Variants in PCDHA2 observed in about 807,000 individuals in gnomAD.
PCDHA2 encodes the protein protocadherin alpha 2.
A neutral mutation model predicts 66.0 loss-of-function variants in PCDHA2; 58 were observed. The ratio of observed to expected loss-of-function variants is 0.88; its 90% CI spans 0.71 to 1.09. The LOEUF is 1.09. Ranked by LOEUF, PCDHA2 falls within the 50% of genes least tolerant of loss-of-function variation. PCDHA2 has a pLI of 0.00. For synonymous variants in PCDHA2, 634 were observed against 554.0 expected (o/e 1.14, Z -2.03); for missense variants, 1,267 against 1,242.3 (o/e 1.02, Z -0.30).
At chr5:140,927,054 C>CT in intron 1 of PCDHA2, 1 of 1,611,076 alleles carries the variant, frequency 6.2e-7, no homozygotes, top group African/African-American at 1.3e-5. Context: ...CCTCGCGGAA[C>CT]TTTCGCTTCC....
intron 1 of PCDHA2, chr5:140,843,835 T>G: frequency 5.5e-6 from 6 of 1,094,648 alleles, no homozygotes; most frequent in Non-Finnish European, 5.3e-6. Context: ...CATTGTTTAG[T>G]TTTTAGAAAC....
At chr5:140,969,522 T>C in intron 1 of PCDHA2, 5 of 1,397,290 alleles carry the variant, frequency 3.6e-6, no homozygotes, top group Non-Finnish European at 4.7e-6. Context: ...AAGAATTGTT[T>C]TATTTTTCAT....
intron 3 of PCDHA2, among the ~76,000 whole-genome samples, chr5:140,985,909 T>C (rs1421545707): frequency 6.6e-6 from 1 of 151,912 alleles, no homozygotes; most frequent in Non-Finnish European, 1.5e-5. Flanking sequence ...CCGTCTAATT[T>C]TTTGTATTTT....
In PCDHA2 at chr5:140,797,366, T is replaced by C. The variant is rs1554120419; in HGVS notation, c.2388+14T>C. ...TACGTAGGAAAGGTGAGTCTTTTAC[T>C]TTTTCTTGCCAATTCTAAAATTGTT... On this transcript the variant is annotated intron_variant, in intron 1 of 3. Coordinates refer to ENST00000526136, the MANE Select transcript of PCDHA2 (RefSeq NM_018905.3). 4 of 1,608,946 alleles carry C rather than the reference T, an allele frequency of 2.5e-6. No individual in the cohort carries two copies. In the East Asian group the frequency reaches 8.9e-5, roughly 36 times the overall value.
chr5:140,944,881 T>C (rs1554216593), intron 1 of PCDHA2, among the ~76,000 whole-genome samples: 1 of 152,180 alleles, frequency 6.6e-6, no homozygotes, highest in Non-Finnish European at 1.5e-5. Flanking sequence ...CCTACTCCAC[T>C]GTACAGTTCC....
At chr5:140,917,776 A>G (rs1222024686) in intron 1 of PCDHA2, among the ~76,000 whole-genome samples, 2 of 152,044 alleles carry the variant, frequency 1.3e-5, no homozygotes, top group Non-Finnish European at 2.9e-5. Flanking sequence ...TATTAGTACC[A>G]TGTTGTTTTG....
intron 1 of PCDHA2, among the ~76,000 whole-genome samples, chr5:140,965,602 A>G (rs1319736678): frequency 6.6e-6 from 1 of 152,126 alleles, no homozygotes; most frequent in African/African-American, 2.4e-5. Context: ...AGACTCTTGA[A>G]GACATTGTCA....
chr5:140,981,981 A>G (rs2096960839), intron 2 of PCDHA2, among the ~76,000 whole-genome samples: 1 of 152,208 alleles, frequency 6.6e-6, no homozygotes, highest in Non-Finnish European at 1.5e-5. Flanking sequence ...GAAAGAGTAA[A>G]ATAGAAAATA....
chr5:140,869,525 T>C, intron 1 of PCDHA2: 2 of 1,614,200 alleles, frequency 1.2e-6, no homozygotes, highest in Admixed American at 1.7e-5. Context: ...CAAAAGCTGC[T>C]GATTGCGGAA....
chr5:140,873,546 A>C (rs2054343070), intron 1 of PCDHA2, among the ~76,000 whole-genome samples: 2 of 151,836 alleles, frequency 1.3e-5, no homozygotes, highest in Admixed American at 1.3e-4. Context: ...TAAAATTATA[A>C]TTTCAATTTA....
chr5:140,876,250 A>C (rs782111802), intron 1 of PCDHA2: 1 of 1,614,046 alleles, frequency 6.2e-7, no homozygotes. Context: ...AAACGACACA[A>C]GAGTGATCCA....
Position 140,978,996 on chromosome 5 carries a change from A to T in PCDHA2, c.2436A>T (p.Ala812=), listed in dbSNP as rs2096831053. The change falls in exon 2 of 4, where the codon GCA becomes GCT. Residue 812 remains alanine, a synonymous_variant. Coordinates refer to ENST00000526136, the MANE Select transcript of PCDHA2 (RefSeq NM_018905.3). ...GGCGTTACTCTGCCTCCCTGAGAGC[A>T]GGCATGCACAGGTATGTATTTCCCT... ...PDWRYSASLR[A]GMHSSVHLEE... 1 of 1,614,186 alleles carries T rather than the reference A, an allele frequency of 6.2e-7. No individual in the cohort carries two copies.
chr5:140,797,083 G>A lies in PCDHA2; in HGVS notation c.2119G>A (p.Val707Ile), dbSNP rs1554120290. The A allele has an allele frequency of 6.2e-7, 1 of 1,613,952 alleles. No homozygotes were observed. The highest frequency in any genetic ancestry group is 2.2e-5 in the East Asian group (1 of 44,866). ...NVYLIIAICA[V>I]SSLLVLTVLL... ...GTACCTGATCATCGCCATCTGCGCG[G>A]TATCCAGCCTGTTGGTGCTCACGGT... The change falls in exon 1 of 4, where the codon GTA (valine) becomes ATA (isoleucine). Residue 707 changes from valine to isoleucine, a missense_variant. Physicochemically the swap from Val to Ile is conservative, Grantham distance 29. Coordinates refer to ENST00000526136, the MANE Select transcript of PCDHA2 (RefSeq NM_018905.3).
chr5:140,938,065 C>A (rs2091903151), intron 1 of PCDHA2, among the ~76,000 whole-genome samples: 1 of 152,094 alleles, frequency 6.6e-6, no homozygotes, highest in Admixed American at 6.5e-5. Context: ...TACTGTCATG[C>A]TATTCCCAAA....
At chr5:140,872,266 T>C (rs1267974541) in intron 1 of PCDHA2, among the ~76,000 whole-genome samples, 2 of 152,208 alleles carry the variant, frequency 1.3e-5, no homozygotes, top group Non-Finnish European at 2.9e-5. Context: ...GTTTTCATAT[T>C]GTTTGAAGAA....
chr5:140,813,608 T>C (rs1316061807), intron 1 of PCDHA2: 2 of 152,208 alleles, frequency 1.3e-5, no homozygotes, highest in African/African-American at 4.8e-5. Context: ...AATGAGTGAA[T>C]GGTGAGTGAA....
At chr5:140,866,798 C>T (rs900250117) in intron 1 of PCDHA2, 1 of 152,110 alleles carries the variant, frequency 6.6e-6, no homozygotes, top group Non-Finnish European at 1.5e-5. Context: ...TAGTAAAAGT[C>T]AGGCACAAAG....
intron 1 of PCDHA2, chr5:140,851,823 G>GT (rs1343370929): frequency 9.3e-6 from 9 of 962,984 alleles, no homozygotes; most frequent in South Asian, 4.8e-5. Context: ...ACAGAAATCT[G>GT]TTTTTTTAAA....
Position 140,938,882 on chromosome 5 carries a change from C to T in PCDHA2, c.2389-40067C>T, listed in dbSNP as rs529115064. On this transcript the variant is annotated intron_variant, in intron 1 of 3. Transcript: ENST00000526136. ...AACTTAAAAGTTAAGAAGCAACACA[C>T]ACACACACAGATGCGCACACACACA... is the stretch of plus-strand genomic sequence containing the variant. Among the ~76,000 whole-genome samples the T allele has an allele frequency of 3.3e-5, 5 of 152,218 alleles. No individual in the cohort carries two copies. The South Asian group carries it at 1.0e-3, about 32-fold the overall frequency.
Sources: allele counts gnomAD v4.1 joint callset (sites outside exome capture counted in the v4.1 genomes callset), GRCh38; gene constraint gnomAD v4.1.1; transcripts MANE v1.5; gene names NCBI Gene and HGNC (gene_info 2026-07-23, HGNC 2026-07-21).